The following PURB variants were observed in gnomAD, a reference collection of about 807,000 sequenced individuals.
PURB encodes the protein purine rich element binding protein B, also known as transcriptional regulator protein Pur-beta.
Under a neutral mutation model 21.1 loss-of-function variants are expected in PURB, and 11 were observed. The ratio of observed to expected loss-of-function variants is 0.52; its 90% confidence interval spans 0.33 to 0.86. The LOEUF (loss-of-function observed/expected upper bound fraction) is 0.86. Ranked by LOEUF, PURB falls within the 40% of genes least tolerant of loss-of-function variation. The pLI, the probability that PURB is intolerant of heterozygous loss-of-function variation, is 0.02. For synonymous variants in PURB, 246 were observed against 210.8 expected (o/e 1.17, Z -1.45); for missense variants, 357 against 456.5 (o/e 0.78, Z 1.99).
rs1193355681 is a variant in PURB, at chr7:44,882,988, A to C, written c.*1422T>G. On this transcript the variant is annotated 3_prime_UTR_variant, in exon 1 of 1. Transcript: ENST00000395699. ...AAAGACAGCTGGATTAACTGGCAAA[A>C]GCCAGTTTGTTGAAATTTCAAGATG... is the stretch of plus-strand genomic sequence containing the variant. 2.0e-5 allele frequency: 3 copies of C among 152,334 alleles called. No homozygotes were observed. The highest frequency in any genetic ancestry group is 1.3e-4 in the Admixed American group (2 of 15,276). 9.4% of individuals were successfully genotyped at this position (152,334 alleles called of 1,614,324 possible).
Position 44,878,548 on chromosome 7 carries a change from C to G in PURB, c.*5862G>C, listed in dbSNP as rs1243167302. The G allele has an allele frequency of 1.3e-5, 2 of 152,540 alleles. No homozygotes were observed. 9.4% of individuals were successfully genotyped at this position (152,540 alleles called of 1,614,324 possible). A position where few individuals can be genotyped will look rare whatever the true frequency, so the allele number is the denominator to read the frequency against. ...ATTCTATTGTTTTAACATGACTCTA[C>G]CTATCCCAATTGGAATGTCTAATTC... On this transcript the variant is annotated 3_prime_UTR_variant, in exon 1 of 1. Coordinates refer to ENST00000395699, the MANE Select transcript of PURB (RefSeq NM_033224.5).
At position 44,877,855 on chromosome 7, in the gene PURB, CAT is replaced by C. The variant is rs887607482; in HGVS notation, c.*6553_*6554del. 1 of 151,828 alleles carries C rather than the reference CAT, an allele frequency of 6.6e-6. No homozygotes were observed. The highest frequency in any genetic ancestry group is 1.5e-5 in the Non-Finnish European group (1 of 68,002). The allele number at this position is 151,828 out of a possible 1,614,324, so 9.4% of individuals were successfully genotyped here. A position where few individuals can be genotyped will look rare whatever the true frequency, so the allele number is the denominator to read the frequency against. On this transcript the variant is annotated 3_prime_UTR_variant, in exon 1 of 1. Transcript: ENST00000395699. The stretch of plus-strand genomic sequence containing the variant: ...AGAGCTTTTGTACACAGGGATGACA[CAT>C]GTGGGCTGGAACAAGGGTTTATGTC...
At position 44,881,033 on chromosome 7, in the gene PURB, CA is replaced by C. The variant is rs1301578660; in HGVS notation, c.*3376del. 6.6e-6 allele frequency: 1 copy of C among 152,464 alleles called. No homozygotes were observed. The highest frequency in any genetic ancestry group is 1.5e-5 in the Non-Finnish European group (1 of 67,992). The allele number at this position is 152,464 out of a possible 1,614,324, so 9.4% of individuals were successfully genotyped here. ...TGATAGGGACAATAGAAACCAAAAC[CA>C]AAACATAGAAGGAAGAGTAGTAGGA... On this transcript the variant is annotated 3_prime_UTR_variant, in exon 1 of 1. Transcript: ENST00000395699.
Position 44,876,529 on chromosome 7 carries a change from G to T in PURB, c.*7881C>A, listed in dbSNP as rs992677157. Reference sequence around the variant, plus strand: ...CTGACTGTATTCACATTGCTCTTTTGAAGCAGCCCTGCTCCTCTCAAAATT... The same window carrying T: ...CTGACTGTATTCACATTGCTCTTTTTAAGCAGCCCTGCTCCTCTCAAAATT... On this transcript the variant is annotated 3_prime_UTR_variant, in exon 1 of 1. Transcript: ENST00000395699. The T allele has an allele frequency of 2.0e-5, 3 of 152,546 alleles. No homozygotes were observed. Among genetic ancestry groups the T allele is most frequent in the Non-Finnish European group, 4.4e-5 (3 of 68,048 alleles). The allele number at this position is 152,546 out of a possible 1,614,324, so 9.4% of individuals were successfully genotyped here. A position where few individuals can be genotyped will look rare whatever the true frequency, so the allele number is the denominator to read the frequency against.
Position 44,884,876 on chromosome 7 carries a change from C to A in PURB, c.473G>T (p.Gly158Val). The change falls in exon 1 of 1, where the codon GGC (glycine) becomes GTC (valine). Residue 158 changes from glycine (G) to valine (V), a missense_variant. Coordinates refer to ENST00000395699, the MANE Select transcript of PURB (RefSeq NM_033224.5). ...QTVNRGGGGF[G>V]AGPGPGGLQS... ...CAAGCCGCCCGGCCCGGGGCCCGCG[C>A]CGAAGCCGCCACCGCCGCGGTTGAC... 2 of 1,557,404 alleles carry A rather than the reference C, an allele frequency of 1.3e-6. No individual in the cohort carries two copies. The highest frequency in any genetic ancestry group is 1.7e-6 in the Non-Finnish European group (2 of 1,154,148).
At position 44,884,776 on chromosome 7, in the gene PURB, G is replaced by C; in HGVS notation, c.573C>G (p.Asp191Glu). 1 of 1,608,964 alleles carries C rather than the reference G, an allele frequency of 6.2e-7. No individual in the cohort carries two copies. Among genetic ancestry groups the C allele is most frequent in the Non-Finnish European group, 8.5e-7 (1 of 1,178,514 alleles). The stretch of plus-strand genomic sequence containing the variant: ...GCTCGTCGTCCTCGCCTCCGTAGTC[G>C]TCTATGAGCTTCGCCAGCGCGTCGC... Reference protein sequence around the residue: ...EFRDALAKLIDDYGGEDDELA... With the variant: ...EFRDALAKLIEDYGGEDDELA... The change falls in exon 1 of 1, where the codon GAC becomes GAG. Residue 191 changes from aspartate (D) to glutamate (E), a missense_variant. Physicochemically the swap from Asp to Glu is conservative, Grantham distance 45. Transcript: ENST00000395699.
rs2128692016 is a variant in PURB, at chr7:44,883,313, TA to T, written c.*1096del. The T allele has an allele frequency of 6.5e-6, 1 of 152,778 alleles. No homozygotes were observed. The highest frequency in any genetic ancestry group is 2.4e-5 in the African/African-American group (1 of 41,580). The allele number at this position is 152,778 out of a possible 1,614,324, so 9.5% of individuals were successfully genotyped here. A position where few individuals can be genotyped will look rare whatever the true frequency, so the allele number is the denominator to read the frequency against. On this transcript the variant is annotated 3_prime_UTR_variant, in exon 1 of 1. Transcript: ENST00000395699. Reference sequence around the variant, plus strand: ...CTTTTCTGTGAGGATGTATATCCATTAAAGCTCAGGCTTATAGCCACACTGT... The same window carrying T: ...CTTTTCTGTGAGGATGTATATCCATTAAGCTCAGGCTTATAGCCACACTGT...
In PURB at chr7:44,885,402, C is replaced by G. The variant is rs1230655143; in HGVS notation, c.-54G>C. The G allele has an allele frequency of 7.1e-6, 5 of 708,040 alleles. No homozygotes were observed. The highest frequency in any genetic ancestry group is 8.8e-6 in the Non-Finnish European group (5 of 571,340). The allele number at this position is 708,040 out of a possible 1,614,324, so 43.9% of individuals were successfully genotyped here. On this transcript the variant is annotated 5_prime_UTR_variant, in exon 1 of 1. Transcript: ENST00000395699. ...CCCGCCGCGCTCGCGCCCCCGCCCT[C>G]CGGCTCGCGCTCCGGGGCCCCCCAG... is the stretch of plus-strand genomic sequence containing the variant.
At position 44,881,858 on chromosome 7, in the gene PURB, G is replaced by T; in HGVS notation, c.*2552C>A. 6.5e-6 allele frequency: 1 copy of T among 154,728 alleles called. No homozygotes were observed. Among genetic ancestry groups the T allele is most frequent in the Middle Eastern group, 5.2e-4 (1 of 1,922 alleles). The allele number at this position is 154,728 out of a possible 1,614,324, so 9.6% of individuals were successfully genotyped here. A position where few individuals can be genotyped will look rare whatever the true frequency, so the allele number is the denominator to read the frequency against. ...ACTGGTGAAGGATTGTGAAGACCCT[G>T]TCATTTCTACAGAATAGAAAGGCAA... On this transcript the variant is annotated 3_prime_UTR_variant, in exon 1 of 1. Transcript: ENST00000395699.
rs1793919712 is a variant in PURB, at chr7:44,884,104, T to C, written c.*306A>G. 1.6e-5 allele frequency: 8 copies of C among 489,734 alleles called. No individual in the cohort carries two copies. The South Asian group carries it at 2.1e-4, about 13-fold the overall frequency. The allele number at this position is 489,734 out of a possible 1,614,324, so 30.3% of individuals were successfully genotyped here. A position where few individuals can be genotyped will look rare whatever the true frequency, so the allele number is the denominator to read the frequency against. On this transcript the variant is annotated 3_prime_UTR_variant, in exon 1 of 1. Coordinates refer to ENST00000395699, the MANE Select transcript of PURB (RefSeq NM_033224.5). Reference sequence around the variant, plus strand: ...GCAAGGATCTATTCCCTCCAGGGATTATCCTGATGGGTTTACGAACCTCAG... The same window carrying C: ...GCAAGGATCTATTCCCTCCAGGGATCATCCTGATGGGTTTACGAACCTCAG...
At position 44,885,444 on chromosome 7, in the gene PURB, C is replaced by T. The variant is rs1243896224; in HGVS notation, c.-96G>A. The T allele has an allele frequency of 1.0e-5, 3 of 299,542 alleles. No individual in the cohort carries two copies. Among genetic ancestry groups the T allele is most frequent in the Non-Finnish European group, 1.5e-5 (3 of 203,678 alleles). 18.6% of individuals were successfully genotyped at this position (299,542 alleles called of 1,614,324 possible). ...GCCCCCCAGCCTCGCCCGCCCGGCT[C>T]GCTCACGCGCTCCCGCCGCTCATCG... On this transcript the variant is annotated 5_prime_UTR_variant, in exon 1 of 1. Transcript: ENST00000395699.
Position 44,876,491 on chromosome 7 carries a change from C to T in PURB, c.*7919G>A, listed in dbSNP as rs1411895767. 1 of 152,578 alleles carries T rather than the reference C, an allele frequency of 6.6e-6. No individual in the cohort carries two copies. The highest frequency in any genetic ancestry group is 1.5e-5 in the Non-Finnish European group (1 of 68,036). The allele number at this position is 152,578 out of a possible 1,614,324, so 9.5% of individuals were successfully genotyped here. On this transcript the variant is annotated 3_prime_UTR_variant, in exon 1 of 1. Coordinates refer to ENST00000395699, the MANE Select transcript of PURB (RefSeq NM_033224.5). ...TACGGGACCCGCCATTTTTACAGACCAGTCTGAAGCTTCTGACTGTATTCA... is the reference window on the plus strand; with the variant it reads ...TACGGGACCCGCCATTTTTACAGACTAGTCTGAAGCTTCTGACTGTATTCA...
chr7:44,877,468 CCA>C lies in PURB; in HGVS notation c.*6940_*6941del. The stretch of plus-strand genomic sequence containing the variant: ...AAGTACGTCCCATACTGACTTAAAG[CCA>C]GTTTCTAGACTTTTTGGTCAACCTA... On this transcript the variant is annotated 3_prime_UTR_variant, in exon 1 of 1. Coordinates refer to ENST00000395699, the MANE Select transcript of PURB (RefSeq NM_033224.5). 6.6e-6 allele frequency: 1 copy of C among 152,108 alleles called. No individual in the cohort carries two copies. The highest frequency in any genetic ancestry group is 2.4e-5 in the African/African-American group (1 of 41,412). 9.4% of individuals were successfully genotyped at this position (152,108 alleles called of 1,614,324 possible). A position where few individuals can be genotyped will look rare whatever the true frequency, so the allele number is the denominator to read the frequency against.
At position 44,877,932 on chromosome 7, in the gene PURB, T is replaced by C. The variant is rs1016030117; in HGVS notation, c.*6478A>G. On this transcript the variant is annotated 3_prime_UTR_variant, in exon 1 of 1. Transcript: ENST00000395699. ...AACTCCCAAATTCCTACAACACAAA[T>C]GTGTTTAATGATATAATCCAGTTCT... The C allele has an allele frequency of 6.6e-6, 1 of 152,148 alleles. No homozygotes were observed. The highest frequency in any genetic ancestry group is 1.5e-5 in the Non-Finnish European group (1 of 68,040). 9.4% of individuals were successfully genotyped at this position (152,148 alleles called of 1,614,324 possible). A position where few individuals can be genotyped will look rare whatever the true frequency, so the allele number is the denominator to read the frequency against.
rs1793855489 is a variant in PURB, at chr7:44,880,089, C to T, written c.*4321G>A. On this transcript the variant is annotated 3_prime_UTR_variant, in exon 1 of 1. Coordinates refer to ENST00000395699, the MANE Select transcript of PURB (RefSeq NM_033224.5). The stretch of plus-strand genomic sequence containing the variant: ...TAAAACCTGAGATTGGACATCAAAA[C>T]AGTCAACTTTGTTATTCATCAGAGC... 6.6e-6 allele frequency: 1 copy of T among 152,156 alleles called. No individual in the cohort carries two copies. The highest frequency in any genetic ancestry group is 6.5e-5 in the Admixed American group (1 of 15,268). 9.4% of individuals were successfully genotyped at this position (152,156 alleles called of 1,614,324 possible).
rs1793875176 is a variant in PURB at position 44,881,521 on chromosome 7, G to A, written c.*2889C>T. 6.6e-6 allele frequency: 1 copy of A among 152,578 alleles called. No homozygotes were observed. The highest frequency in any genetic ancestry group is 2.4e-5 in the African/African-American group (1 of 41,438). The allele number at this position is 152,578 out of a possible 1,614,324, so 9.5% of individuals were successfully genotyped here. ...CCTTGCAGGAGAAACAAACCTTAGA[G>A]ATTGGTTAAGACTTAAAAACCCACC... is the stretch of plus-strand genomic sequence containing the variant. On this transcript the variant is annotated 3_prime_UTR_variant, in exon 1 of 1. Transcript: ENST00000395699.
At position 44,885,250 on chromosome 7, in the gene PURB, C is replaced by T. The variant is rs747846990; in HGVS notation, c.99G>A (p.Glu33=). Residue 33 remains glutamate, a synonymous_variant, in exon 1 of 1, where the codon GAG becomes GAA. Coordinates refer to ENST00000395699, the MANE Select transcript of PURB (RefSeq NM_033224.5). ...GGATGTCCAGCCGCTTCGAGGCCAG[C>T]TCCTGCGTCTCTTGCTCGCCGCCGC... is the stretch of plus-strand genomic sequence containing the variant. ...SRGGGEQETQ[E]LASKRLDIQN... 1.3e-6 allele frequency: 2 copies of T among 1,559,770 alleles called. No homozygotes were observed. Among genetic ancestry groups the T allele is most frequent in the East Asian group, 2.6e-5 (1 of 39,076 alleles).
chr7:44,879,397 A>G lies in PURB; in HGVS notation c.*5013T>C, dbSNP rs1029065355. On this transcript the variant is annotated 3_prime_UTR_variant, in exon 1 of 1. Coordinates refer to ENST00000395699, the MANE Select transcript of PURB (RefSeq NM_033224.5). ...TTTTGTCTGTATTTTCTTAAGGTAA[A>G]TGTGTTTTTTTTTTTTTCTTTTTTC... 2 of 135,354 alleles carry G rather than the reference A, an allele frequency of 1.5e-5. No homozygotes were observed. The highest frequency in any genetic ancestry group is 5.3e-5 in the African/African-American group (2 of 37,948). 8.4% of individuals were successfully genotyped at this position (135,354 alleles called of 1,614,324 possible). A position where few individuals can be genotyped will look rare whatever the true frequency, so the allele number is the denominator to read the frequency against.
In PURB at chr7:44,884,162, G is replaced by T; in HGVS notation, c.*248C>A. ...ACAACAGAAGCTGAGACAATTTTACGCAGGTGAGGAGATGCTGTTTTCCTC... is the reference window on the plus strand; with the variant it reads ...ACAACAGAAGCTGAGACAATTTTACTCAGGTGAGGAGATGCTGTTTTCCTC... On this transcript the variant is annotated 3_prime_UTR_variant, in exon 1 of 1. Coordinates refer to ENST00000395699, the MANE Select transcript of PURB (RefSeq NM_033224.5). 1.2e-6 allele frequency: 1 copy of T among 809,626 alleles called. No individual in the cohort carries two copies. Among genetic ancestry groups the T allele is most frequent in the South Asian group, 2.1e-5 (1 of 48,288 alleles). 50.2% of individuals were successfully genotyped at this position (809,626 alleles called of 1,614,324 possible). A position where few individuals can be genotyped will look rare whatever the true frequency, so the allele number is the denominator to read the frequency against.
Sources: allele counts gnomAD v4.1 joint callset, GRCh38; gene constraint gnomAD v4.1.1; transcripts MANE v1.5; gene names NCBI Gene and HGNC (gene_info 2026-07-23, HGNC 2026-07-21).